ILRUN: variants seen among roughly 807,000 people sequenced by gnomAD.
ILRUN encodes the protein inflammation and lipid regulator with UBA-like and NBR1-like domains, also known as protein ILRUN.
ILRUN carries 3 observed loss-of-function variants against 33.8 expected under a neutral mutation model. The observed-to-expected ratio is 0.09, with a 90% CI of 0.04 to 0.23. The LOEUF is 0.23. Among genes scored for constraint, ILRUN ranks in the 10% least tolerant of loss-of-function variants. The pLI, the probability that ILRUN is intolerant of heterozygous loss-of-function variation, is 1.00. For synonymous variants in ILRUN, 124 were observed against 138.9 expected (o/e 0.89, Z 0.75); for missense variants, 210 against 375.1 (o/e 0.56, Z 3.64).
chr6:34,631,396 C>T (rs1362767894), intron 3 of ILRUN, among the ~76,000 whole-genome samples: 5 of 151,658 alleles, frequency 3.3e-5, no homozygotes, highest in Non-Finnish European at 5.9e-5. Context: ...GGCGCGATCT[C>T]GGCTCACCGC....
Position 34,647,854 on chromosome 6 carries a change from C to T in ILRUN, c.314-1056G>A, listed in dbSNP as rs1219000362. Among the ~76,000 whole-genome samples, 4 of 152,220 alleles carry T rather than the reference C, an allele frequency of 2.6e-5. No individual in the cohort carries two copies. The South Asian group carries it at 6.2e-4, about 24-fold the overall frequency. Reference sequence around the variant, plus strand: ...CTGGGATTACAGGTGTGAGCCACAGCGCCTGGCCTAATTTTTGCATTTTTA... The same window carrying T: ...CTGGGATTACAGGTGTGAGCCACAGTGCCTGGCCTAATTTTTGCATTTTTA... On this transcript the variant is annotated intron_variant, in intron 2 of 4. Coordinates refer to ENST00000374023, the MANE Select transcript of ILRUN (RefSeq NM_024294.4).
rs772283928 is a variant in ILRUN at position 34,696,623 on chromosome 6, C to T, written c.-20G>A. 1.9e-6 allele frequency: 3 copies of T among 1,575,500 alleles called. No individual in the cohort carries two copies. The highest frequency in any genetic ancestry group is 2.6e-6 in the Non-Finnish European group (3 of 1,164,208). On this transcript the variant is annotated 5_prime_UTR_variant, in exon 1 of 5. Coordinates refer to ENST00000374023, the MANE Select transcript of ILRUN (RefSeq NM_024294.4). ...CTCCATGGCGGGGACCGGACACCCGCTTCCCCGCCTCTTCACAACCAAGCC... is the reference window on the plus strand; with the variant it reads ...CTCCATGGCGGGGACCGGACACCCGTTTCCCCGCCTCTTCACAACCAAGCC...
chr6:34,619,020 C>T, intron 3 of ILRUN, among the ~76,000 whole-genome samples: 1 of 152,060 alleles, frequency 6.6e-6, no homozygotes, highest in East Asian at 1.9e-4. Context: ...AAGGACAAAC[C>T]ATTGGATGTA....
chr6:34,646,834 C>T lies in ILRUN; in HGVS notation c.314-36G>A, dbSNP rs1762571727. 6.3e-7 allele frequency: 1 copy of T among 1,592,260 alleles called. No homozygotes were observed. Among genetic ancestry groups the T allele is most frequent in the South Asian group, 1.1e-5 (1 of 90,616 alleles). On this transcript the variant is annotated intron_variant, in intron 2 of 4. Coordinates refer to ENST00000374023, the MANE Select transcript of ILRUN (RefSeq NM_024294.4). The surrounding 1 kb of genome is among the most constrained non-coding windows in gnomAD (Gnocchi z 4.9). ...GCAAAAGAAAAAAATGTTAGGCAAT[C>T]AATGGTCCTATGCTGGGTGCAGTTT...
intron 2 of ILRUN, among the ~76,000 whole-genome samples, chr6:34,648,853 G>C (rs1440248462): frequency 6.6e-6 from 1 of 152,102 alleles, no homozygotes; most frequent in African/African-American, 2.4e-5. Flanking sequence ...TCCCAAGAAT[G>C]TGTCTGTTTT....
chr6:34,681,845 ATTTTTTTTTTTTT>A (rs1168522578), intron 1 of ILRUN, among the ~76,000 whole-genome samples: 10 of 85,398 alleles, frequency 1.2e-4, no homozygotes, highest in African/African-American at 4.6e-4. Flanking sequence ...CCACCACTAC[ATTTTTTTTTTTTT>A]TTTTTTTTTT....
At position 34,658,720 on chromosome 6, in the gene ILRUN, T is replaced by C. The variant is rs185342225; in HGVS notation, c.159-3941A>G. On this transcript the variant is annotated intron_variant, in intron 1 of 4. Transcript: ENST00000374023. Reference sequence around the variant, plus strand: ...TACTTGGGAGGCTGGGTCAGGAGAATTGCTTGAACCTCAGGAGGCAGAGTT... The same window carrying C: ...TACTTGGGAGGCTGGGTCAGGAGAACTGCTTGAACCTCAGGAGGCAGAGTT... 2.2e-4 allele frequency among the ~76,000 whole-genome samples: 33 copies of C among 152,104 alleles called. No homozygotes were observed. The East Asian group carries it at 5.6e-3, about 26-fold the overall frequency.
At chr6:34,682,157 C>A (rs1198156493) in intron 1 of ILRUN, among the ~76,000 whole-genome samples, 1 of 151,050 alleles carries the variant, frequency 6.6e-6, no homozygotes, top group African/African-American at 2.4e-5. Flanking sequence ...CAGGCATGAG[C>A]CACCACGCCC....
At position 34,663,866 on chromosome 6, in the gene ILRUN, T is replaced by G. The variant is rs116498839; in HGVS notation, c.159-9087A>C. 5.0e-3 allele frequency among the ~76,000 whole-genome samples: 760 copies of G among 152,286 alleles called. 5 individuals are homozygous for G. Among genetic ancestry groups the G allele is most frequent in the Non-Finnish European group, 9.1e-3 (620 of 68,030 alleles). On this transcript the variant is annotated intron_variant, in intron 1 of 4. Transcript: ENST00000374023. Reference sequence around the variant, plus strand: ...TTATATCGCAAAGAGGAATTAAGGGTGTTAATCAGCTGACCTTAAAATAGG... The same window carrying G: ...TTATATCGCAAAGAGGAATTAAGGGGGTTAATCAGCTGACCTTAAAATAGG...
intron 1 of ILRUN, among the ~76,000 whole-genome samples, chr6:34,668,668 C>T (rs1763051287): frequency 6.6e-6 from 1 of 152,072 alleles, no homozygotes; most frequent in South Asian, 2.1e-4. Flanking sequence ...CCTGTGAGAA[C>T]TCTGAAACCT....
intron 3 of ILRUN, among the ~76,000 whole-genome samples, chr6:34,610,401 T>C (rs934526854): frequency 2.0e-5 from 3 of 152,142 alleles, no homozygotes; most frequent in African/African-American, 4.8e-5. Flanking sequence ...GGGAGAATCA[T>C]TCCATGCTCT....
chr6:34,690,989 A>G (rs201071930), intron 1 of ILRUN, among the ~76,000 whole-genome samples: 1 of 152,052 alleles, frequency 6.6e-6, no homozygotes, highest in Non-Finnish European at 1.5e-5. Flanking sequence ...GGTTCATGCC[A>G]TTCTCCTGCC....
chr6:34,604,531 G>A (rs1006952759), intron 4 of ILRUN, among the ~76,000 whole-genome samples: 2 of 152,176 alleles, frequency 1.3e-5, no homozygotes, highest in Non-Finnish European at 2.9e-5. Context: ...TGGTTGTTTT[G>A]CCTTAATGTT....
intron 3 of ILRUN, among the ~76,000 whole-genome samples, chr6:34,637,578 G>C (rs913356381): frequency 6.6e-6 from 1 of 152,100 alleles, no homozygotes; most frequent in South Asian, 2.1e-4. Flanking sequence ...GTAAGTTGAG[G>C]AGTAAGAAAA....
chr6:34,645,779 C>A lies in ILRUN; in HGVS notation c.511+822G>T, dbSNP rs146127181. On this transcript the variant is annotated intron_variant, in intron 3 of 4. Coordinates refer to ENST00000374023, the MANE Select transcript of ILRUN (RefSeq NM_024294.4). Reference sequence around the variant, plus strand: ...CAGCTATAGATATTAATTTGAGCATCACCGTGTATGGTATACTGGCGACAG... The same window carrying A: ...CAGCTATAGATATTAATTTGAGCATAACCGTGTATGGTATACTGGCGACAG... Among the ~76,000 whole-genome samples, 3 of 152,310 alleles carry A rather than the reference C, an allele frequency of 2.0e-5. No individual in the cohort carries two copies. The East Asian group carries it at 5.8e-4, about 29-fold the overall frequency.
intron 1 of ILRUN, among the ~76,000 whole-genome samples, chr6:34,666,904 A>G (rs914518969): frequency 6.6e-6 from 1 of 152,218 alleles, no homozygotes; most frequent in Non-Finnish European, 1.5e-5. Context: ...AGCTCATCCA[A>G]CTATGGCATT....
At chr6:34,696,132 T>TG (rs552732003) in intron 1 of ILRUN, among the ~76,000 whole-genome samples, 70 of 152,278 alleles carry the variant, frequency 4.6e-4, no homozygotes, top group African/African-American at 1.7e-3. Flanking sequence ...CTACCCACTA[T>TG]GCCTGGATGC....
chr6:34,678,363 C>G (rs2127382328), intron 1 of ILRUN, among the ~76,000 whole-genome samples: 1 of 151,992 alleles, frequency 6.6e-6, no homozygotes, highest in East Asian at 1.9e-4. Flanking sequence ...TATTTTTCAA[C>G]TTTTATTTTA....
In ILRUN at chr6:34,626,111, A is replaced by T. The variant is rs577533143; in HGVS notation, c.512-19207T>A. ...ATGATCCGCCTGGGTCGGCCTCCCG[A>T]AATGCTGGGATTACAGGTGTGAGCC... is the stretch of plus-strand genomic sequence containing the variant. On this transcript the variant is annotated intron_variant, in intron 3 of 4. Coordinates refer to ENST00000374023, the MANE Select transcript of ILRUN (RefSeq NM_024294.4). 1.4e-4 allele frequency among the ~76,000 whole-genome samples: 21 copies of T among 152,294 alleles called. No homozygotes were observed. The East Asian group carries it at 3.9e-3, about 28-fold the overall frequency.
Sources: allele counts gnomAD v4.1 joint callset (sites outside exome capture counted in the v4.1 genomes callset), GRCh38; gene constraint gnomAD v4.1.1; non-coding constraint Gnocchi (gnomAD v3.1); transcripts MANE v1.5; gene names NCBI Gene and HGNC (gene_info 2026-07-23, HGNC 2026-07-21).